The following MECOM variants were observed in gnomAD, a reference collection of about 807,000 sequenced individuals.
MECOM encodes the protein MDS1 and EVI1 complex locus.
A neutral mutation model predicts 116.3 loss-of-function variants in MECOM; 13 were observed. That is an observed-to-expected ratio of 0.11 (90% CI 0.07 to 0.18). MECOM has a LOEUF of 0.18. Ranked by LOEUF, MECOM falls within the 10% of genes least tolerant of loss-of-function variation. The pLI is 1.00. For missense variants in MECOM, 1,299 were observed against 1,509.0 expected, an observed-to-expected ratio of 0.86 and a Z score of 2.31; for synonymous variants, 528 against 535.2, an observed-to-expected ratio of 0.99 and a Z score of 0.19.
chr3:169,103,941 C>T (rs1005256209), intron 10 of MECOM, among the ~76,000 whole-genome samples: 5 of 152,158 alleles, frequency 3.3e-5, no homozygotes, highest in Middle Eastern at 3.2e-3. Flanking sequence ...ATGTTAGCTA[C>T]AAATTGCAAC....
At chr3:169,185,259 C>A (rs987015682) in intron 2 of MECOM, among the ~76,000 whole-genome samples, 1 of 150,062 alleles carries the variant, frequency 6.7e-6, no homozygotes, top group Non-Finnish European at 1.5e-5. Context: ...CTGGGAAACA[C>A]CATTTGAGAA....
chr3:169,369,969 T>A (rs1729818916), intron 2 of MECOM, among the ~76,000 whole-genome samples: 1 of 151,986 alleles, frequency 6.6e-6, no homozygotes, highest in African/African-American at 2.4e-5. Context: ...TTTAAAACCA[T>A]TAAGACTTCA....
chr3:169,453,050 T>C (rs1423866326), intron 1 of MECOM, among the ~76,000 whole-genome samples: 4 of 152,360 alleles, frequency 2.6e-5, no homozygotes, highest in African/African-American at 9.6e-5. Flanking sequence ...TGGGAAATAG[T>C]AACTTAGATG....
At chr3:169,515,070 T>C (rs1756455196) in intron 1 of MECOM, among the ~76,000 whole-genome samples, 1 of 152,108 alleles carries the variant, frequency 6.6e-6, no homozygotes, top group South Asian at 2.1e-4. Context: ...AGCAGTTGCC[T>C]TCTGAGAATG....
chr3:169,400,442 G>T (rs1299448108), intron 1 of MECOM, among the ~76,000 whole-genome samples: 1 of 152,176 alleles, frequency 6.6e-6, no homozygotes, highest in Non-Finnish European at 1.5e-5. Context: ...TGTGAGAGCT[G>T]CCCTTTGGAA....
chr3:169,612,842 A>G (rs1480825286), intron 1 of MECOM, among the ~76,000 whole-genome samples: 1 of 152,120 alleles, frequency 6.6e-6, no homozygotes, highest in Admixed American at 6.5e-5. Flanking sequence ...ACACCTAAAG[A>G]TTTCCCCACA....
intron 2 of MECOM, chr3:169,145,848 T>A: frequency 4.7e-6 from 1 of 214,002 alleles, no homozygotes; most frequent in Non-Finnish European, 9.4e-6. Context: ...AAAAGGTTCA[T>A]TTCCAAAGAA....
At chr3:169,366,708 G>GA (rs1729223786) in intron 2 of MECOM, among the ~76,000 whole-genome samples, 1 of 152,084 alleles carries the variant, frequency 6.6e-6, no homozygotes, top group South Asian at 2.1e-4. Context: ...AACGAAAAAA[G>GA]AAAAAACAAA....
chr3:169,661,621 C>T (rs1043911877), intron 1 of MECOM, among the ~76,000 whole-genome samples: 4 of 152,170 alleles, frequency 2.6e-5, no homozygotes, highest in African/African-American at 4.8e-5. Context: ...GCACAAAGCA[C>T]TGGAAAGGCG....
intron 2 of MECOM, among the ~76,000 whole-genome samples, chr3:169,183,761 TACACACACAC>T (rs71166249): frequency 0.095 from 11,218 of 118,506 alleles, 481 homozygotes; most frequent in Middle Eastern, 0.15. Context: ...GATACATACA[TACACACACAC>T]ACACACACAC....
At chr3:169,388,289 G>A (rs1733703154) in intron 1 of MECOM, among the ~76,000 whole-genome samples, 1 of 152,202 alleles carries the variant, frequency 6.6e-6, no homozygotes, top group African/African-American at 2.4e-5. Flanking sequence ...TTCCAGAGCA[G>A]TTACAGAGGC....
intron 2 of MECOM, among the ~76,000 whole-genome samples, chr3:169,367,567 G>A (rs1729402338): frequency 6.6e-6 from 1 of 152,030 alleles, no homozygotes; most frequent in South Asian, 2.1e-4. Context: ...TGGTATACAA[G>A]ATTGTGCAGT....
At chr3:169,548,510 A>T (rs1760992410) in intron 1 of MECOM, among the ~76,000 whole-genome samples, 1 of 152,254 alleles carries the variant, frequency 6.6e-6, no homozygotes, top group Admixed American at 6.5e-5. Context: ...CTAAAAAGTA[A>T]GAGGGAGCTA....
intron 2 of MECOM, among the ~76,000 whole-genome samples, chr3:169,292,484 T>G (rs1714764154): frequency 6.6e-6 from 1 of 152,180 alleles, no homozygotes; most frequent in South Asian, 2.1e-4. Flanking sequence ...CCTGTGATAT[T>G]CTGCTTTCTG....
chr3:169,626,655 C>T (rs1771411270), intron 1 of MECOM, among the ~76,000 whole-genome samples: 1 of 152,192 alleles, frequency 6.6e-6, no homozygotes, highest in African/African-American at 2.4e-5. Context: ...AAGGATTGAG[C>T]AGCCTAGCTT....
rs762309528 is a variant in MECOM, at chr3:169,517,727, CA to C, written c.38-136204del. Among the ~76,000 whole-genome samples, 9 of 152,266 alleles carry C rather than the reference CA, an allele frequency of 5.9e-5. 1 individual carries two copies. Among genetic ancestry groups the C allele is most frequent in the African/African-American group, 2.2e-4 (9 of 41,554 alleles). On this transcript the variant is annotated intron_variant, in intron 1 of 16. Transcript: ENST00000651503. ...GTTTCTCACAAAGACACTCCCAAAA[CA>C]AGAAGAGACCAGTGAAAGCCCAAGG...
intron 2 of MECOM, among the ~76,000 whole-genome samples, chr3:169,363,615 A>G (rs964270431): frequency 6.6e-6 from 1 of 151,964 alleles, no homozygotes; most frequent in Admixed American, 6.6e-5. Flanking sequence ...CAGCAGTAAT[A>G]GAAATGGTGG....
intron 5 of MECOM, 50 bp from the exon 6 acceptor site, chr3:169,122,777 G>A (rs377236472): frequency 7.4e-5 from 118 of 1,583,962 alleles, no homozygotes; most frequent in Non-Finnish European, 9.1e-5. Flanking sequence ...ATTCATAAAC[G>A]GAACAACATT....
chr3:169,469,179 A>T (rs916246092), intron 1 of MECOM, among the ~76,000 whole-genome samples: 8 of 152,150 alleles, frequency 5.3e-5, no homozygotes, highest in Admixed American at 5.2e-4. Context: ...CCAGGAGGAG[A>T]TGGTGACTGA....
Sources: allele counts gnomAD v4.1 joint callset (sites outside exome capture counted in the v4.1 genomes callset), GRCh38; gene constraint gnomAD v4.1.1; transcripts MANE v1.5; gene names NCBI Gene and HGNC (gene_info 2026-07-23, HGNC 2026-07-21).